The following IQCM variants were observed in gnomAD, a reference collection of about 807,000 sequenced individuals.
IQCM encodes the protein IQ domain-containing protein M.
IQCM carries 45 observed loss-of-function variants against 57.6 expected under a neutral mutation model. That is an observed-to-expected ratio of 0.78 (90% CI 0.62 to 1.00). The LOEUF is 1.00. Among genes scored for constraint, IQCM ranks in the 50% least tolerant of loss-of-function variants. The pLI is 0.00. For synonymous variants in IQCM, 148 were observed against 158.9 expected, an observed-to-expected ratio of 0.93 and a Z score of 0.51; for missense variants, 468 against 511.6, an observed-to-expected ratio of 0.91 and a Z score of 0.82.
At chr4:149,686,050 T>C (rs1282185463) in intron 6 of IQCM, among the ~76,000 whole-genome samples, 12 of 151,510 alleles carry the variant, frequency 7.9e-5, no homozygotes, top group Admixed American at 7.9e-4. Context: ...TGCAGATGAG[T>C]TATTAAAATT....
chr4:149,659,302 T>C (rs1759943536), intron 7 of IQCM, among the ~76,000 whole-genome samples: 2 of 152,044 alleles, frequency 1.3e-5, no homozygotes, highest in Admixed American at 1.3e-4. Flanking sequence ...CTTCAAGAAC[T>C]ACAAACCACC....
At chr4:149,717,049 C>A (rs563947217) in intron 5 of IQCM, among the ~76,000 whole-genome samples, 2 of 152,264 alleles carry the variant, frequency 1.3e-5, no homozygotes, top group African/African-American at 4.8e-5. Flanking sequence ...TATCTCTTCA[C>A]CTGGCTGTTC....
intron 5 of IQCM, among the ~76,000 whole-genome samples, chr4:149,709,258 C>T (rs975051379): frequency 1.1e-4 from 16 of 151,986 alleles, no homozygotes; most frequent in African/African-American, 3.6e-4. Flanking sequence ...TCATACTAAG[C>T]GTTAGATTCT....
chr4:149,434,894 C>A (rs935466543), intron 12 of IQCM, among the ~76,000 whole-genome samples: 4 of 152,026 alleles, frequency 2.6e-5, no homozygotes, highest in Non-Finnish European at 4.4e-5. Context: ...GCAGCACCTT[C>A]CTATGAACGG....
At chr4:149,369,808 C>A (rs1730235547) in intron 13 of IQCM, among the ~76,000 whole-genome samples, 1 of 152,170 alleles carries the variant, frequency 6.6e-6, no homozygotes, top group African/African-American at 2.4e-5. Flanking sequence ...TAGATAGCAA[C>A]ATTTAATAGA....
At chr4:149,562,958 A>G (rs915723972) in intron 10 of IQCM, among the ~76,000 whole-genome samples, 1 of 152,132 alleles carries the variant, frequency 6.6e-6, no homozygotes, top group Non-Finnish European at 1.5e-5. Flanking sequence ...TTTATAGTTG[A>G]TTTCCCAAAT....
intron 13 of IQCM, among the ~76,000 whole-genome samples, chr4:149,416,097 T>A (rs748233542): frequency 3.9e-5 from 6 of 152,012 alleles, no homozygotes; most frequent in Non-Finnish European, 5.9e-5. Flanking sequence ...CCTAATCAGA[T>A]GACTGAGTGC....
Position 149,621,183 on chromosome 4 carries a change from G to A in IQCM, c.627C>T (p.Asp209=), listed in dbSNP as rs575761256. The change falls in exon 8 of 14, where the codon GAC becomes GAT. Residue 209 remains aspartate, a synonymous_variant. Coordinates refer to ENST00000636793, the MANE Select transcript of IQCM (RefSeq NM_001363507.2). ...ATTGAGAGAAACTAACTCGACGGGA[G>A]TCACAAGCCAAACGGAAAGACCTTG... The part of the protein sequence containing the change: ...VLTRSFRLAC[D]SRRVSFSQSS... 27 of 1,231,984 alleles carry A rather than the reference G, an allele frequency of 2.2e-5. No homozygotes were observed. In the Admixed American group the frequency reaches 5.5e-4, roughly 25 times the overall value. The allele number at this position is 1,231,984 out of a possible 1,614,324, so 76.3% of individuals were successfully genotyped here.
chr4:149,519,651 A>G (rs1438364984), intron 12 of IQCM, among the ~76,000 whole-genome samples: 3 of 151,822 alleles, frequency 2.0e-5, no homozygotes, highest in Admixed American at 1.3e-4. Flanking sequence ...GTCTCAAAAA[A>G]AAAAAGATTG....
intron 12 of IQCM, among the ~76,000 whole-genome samples, chr4:149,447,930 A>G (rs993409708): frequency 3.3e-5 from 5 of 151,660 alleles, no homozygotes; most frequent in Non-Finnish European, 7.4e-5. Flanking sequence ...GGAATTAGAA[A>G]CAATGAGATT....
At chr4:149,465,512 G>A (rs1738761738) in intron 12 of IQCM, among the ~76,000 whole-genome samples, 1 of 152,148 alleles carries the variant, frequency 6.6e-6, no homozygotes, top group Non-Finnish European at 1.5e-5. Flanking sequence ...CTTGCTGAGA[G>A]ATATATACTG....
chr4:149,648,613 G>A (rs749163974), intron 7 of IQCM, among the ~76,000 whole-genome samples: 2 of 152,160 alleles, frequency 1.3e-5, no homozygotes, highest in Non-Finnish European at 1.5e-5. Context: ...CTGAGGAATC[G>A]CCACACTGAC....
chr4:149,750,057 G>T (rs1768285281), intron 2 of IQCM, among the ~76,000 whole-genome samples: 1 of 152,120 alleles, frequency 6.6e-6, no homozygotes, highest in South Asian at 2.1e-4. Flanking sequence ...TATTTATTTG[G>T]AAATCCCGCT....
At chr4:149,357,625 T>A (rs1280008501) in intron 13 of IQCM, among the ~76,000 whole-genome samples, 1 of 152,224 alleles carries the variant, frequency 6.6e-6, no homozygotes, top group Admixed American at 6.5e-5. Flanking sequence ...AGCTTTTTGA[T>A]GCGTTGCTGG....
At chr4:149,775,754 A>T (rs1316437725) in intron 2 of IQCM, among the ~76,000 whole-genome samples, 1 of 152,210 alleles carries the variant, frequency 6.6e-6, no homozygotes, top group Non-Finnish European at 1.5e-5. Context: ...AGCCAAGATA[A>T]TGATGTTCAC....
chr4:149,538,257 G>C (rs1442593117), intron 12 of IQCM, among the ~76,000 whole-genome samples: 1 of 151,704 alleles, frequency 6.6e-6, no homozygotes, highest in Non-Finnish European at 1.5e-5. Context: ...AGGGATGACA[G>C]GAAGCTGTAT....
chr4:149,488,850 C>T (rs1741797331), intron 12 of IQCM, among the ~76,000 whole-genome samples: 1 of 152,108 alleles, frequency 6.6e-6, no homozygotes, highest in African/African-American at 2.4e-5. Context: ...GTAACATCAG[C>T]TGATAAATGT....
chr4:149,402,219 T>C (rs1276020745), intron 13 of IQCM, among the ~76,000 whole-genome samples: 1 of 151,756 alleles, frequency 6.6e-6, no homozygotes, highest in African/African-American at 2.4e-5. Flanking sequence ...ATATGCTCAA[T>C]AACAGGACAA....
At chr4:149,619,483 T>C (rs555337581) in intron 8 of IQCM, among the ~76,000 whole-genome samples, 6 of 152,096 alleles carry the variant, frequency 3.9e-5, no homozygotes, top group South Asian at 2.1e-4. Flanking sequence ...AAAACAAACA[T>C]AATAAAAACA....
Sources: gnomAD v4.1 joint callset for allele counts (sites outside exome capture counted in the v4.1 genomes callset) on GRCh38, gnomAD v4.1.1 for gene constraint, MANE v1.5 for transcripts, NCBI Gene and HGNC (gene_info 2026-07-23, HGNC 2026-07-21) for gene names.